The following RIC1 variants were observed in gnomAD, a reference collection of about 807,000 sequenced individuals.
The protein encoded by RIC1 is guanine nucleotide exchange factor subunit RIC1.
In RIC1, 88 loss-of-function variants were observed where a neutral mutation model predicts 169.0. The ratio of observed to expected loss-of-function variants is 0.52; its 90% CI spans 0.44 to 0.62. RIC1 has a LOEUF of 0.62. Among genes scored for constraint, RIC1 ranks in the 20% least tolerant of loss-of-function variants. RIC1 has a pLI of 0.00. For missense variants in RIC1, 1,877 were observed against 1,725.5 expected (o/e 1.09, Z -1.56); for synonymous variants, 790 against 601.5 (o/e 1.31, Z -4.59).
intron 2 of RIC1, among the ~76,000 whole-genome samples, chr9:5,687,095 G>C (rs1195730412): frequency 1.3e-5 from 2 of 152,078 alleles, no homozygotes; most frequent in African/African-American, 4.8e-5. Context: ...CAAGGAATTT[G>C]TCCATCTCAT....
rs190073893 is a variant in RIC1, at chr9:5,759,745, C to T, written c.1992+2294C>T. Among the ~76,000 whole-genome samples, 173 of 151,862 alleles carry T rather than the reference C, an allele frequency of 1.1e-3. 1 individual carries two copies. The highest frequency in any genetic ancestry group is 4.1e-3 in the African/African-American group (168 of 41,388). ...AAACATGTAGAAGTAAAATGGGTAG[C>T]ATGTCTTAATTGAAAATATTCTGAC... On this transcript the variant is annotated intron_variant, in intron 17 of 25. Transcript: ENST00000414202.
At chr9:5,639,442 A>G (rs575920317) in intron 1 of RIC1, among the ~76,000 whole-genome samples, 111 of 152,350 alleles carry the variant, frequency 7.3e-4, no homozygotes, top group African/African-American at 2.3e-3. Flanking sequence ...GTTTAACTCT[A>G]TTATGAGAGA....
chr9:5,736,943 C>A (rs568248926), intron 7 of RIC1, among the ~76,000 whole-genome samples: 1 of 148,634 alleles, frequency 6.7e-6, no homozygotes, highest in South Asian at 2.1e-4. Context: ...GGGAATGGAT[C>A]AAAGCTGCTG....
Position 5,774,247 on chromosome 9 carries a change from C to T in RIC1, c.*1C>T, listed in dbSNP as rs774562859. The T allele has an allele frequency of 5.6e-6, 9 of 1,597,202 alleles. No homozygotes were observed. In the South Asian group the frequency reaches 1.0e-4, roughly 18 times the overall value. On this transcript the variant is annotated 3_prime_UTR_variant, in exon 26 of 26. Coordinates refer to ENST00000414202, the MANE Select transcript of RIC1 (RefSeq NM_020829.4). The stretch of plus-strand genomic sequence containing the variant: ...GACTTACGACTGTTCTGTGTCCTAA[C>T]AGTGAGGTTCCATCACAAAGGGGCA...
chr9:5,714,186 A>AATT (rs1295075614), intron 4 of RIC1, among the ~76,000 whole-genome samples, 183 bp downstream of exon 4: 5 of 152,190 alleles, frequency 3.3e-5, no homozygotes, highest in Non-Finnish European at 5.9e-5. Flanking sequence ...TTAATACTTA[A>AATT]ATTATTATAA....
intron 1 of RIC1, among the ~76,000 whole-genome samples, chr9:5,635,193 C>T (rs1379375138): frequency 2.0e-5 from 3 of 152,036 alleles, no homozygotes; most frequent in Non-Finnish European, 4.4e-5. Context: ...TTGCCCAGGC[C>T]GGTCTCAGAC....
Position 5,720,243 on chromosome 9 carries a change from C to G in RIC1, c.502C>G (p.His168Asp). ...TTCTGATGGACTTCTTCATCTTATT[C>G]ACTGGGAAGGAATGACAAATGGAAG... Reference protein sequence around the residue: ...ATSDGLLHLIHWEGMTNGRKA... With the variant: ...ATSDGLLHLIDWEGMTNGRKA... Residue 168 changes from histidine to aspartate, a missense_variant, in exon 5 of 26, where the codon CAC becomes GAC. Physicochemically the swap from His to Asp is moderately conservative, Grantham distance 81. This residue lies in a region of RIC1 where 1,104 missense variants were observed against 992.0 expected (regional missense o/e 1.11). Coordinates refer to ENST00000414202, the MANE Select transcript of RIC1 (RefSeq NM_020829.4). 6.2e-7 allele frequency: 1 copy of G among 1,613,142 alleles called. No homozygotes were observed. Among genetic ancestry groups the G allele is most frequent in the Non-Finnish European group, 8.5e-7 (1 of 1,179,122 alleles).
In RIC1 at chr9:5,742,980, C is replaced by G. The variant is rs1387812496; in HGVS notation, c.1013C>G (p.Ala338Gly). 1 of 1,613,092 alleles carries G rather than the reference C, an allele frequency of 6.2e-7. No individual in the cohort carries two copies. The highest frequency in any genetic ancestry group is 1.3e-5 in the African/African-American group (1 of 74,842). ...GGLSLWSVFG[A>G]QLICTLGGDF... ...CTTTCTTTATGGAGTGTTTTTGGAG[C>G]ACAGCTGATTTGTACACTTGGAGGA... is the stretch of plus-strand genomic sequence containing the variant. Residue 338 changes from alanine to glycine, a missense_variant, in exon 9 of 26, where the codon GCA (alanine) becomes GGA (glycine). Ala to Gly is a moderately conservative substitution (Grantham distance 60). Transcript: ENST00000414202.
At chr9:5,727,245 G>A (rs1824051825) in intron 6 of RIC1, among the ~76,000 whole-genome samples, 1 of 152,088 alleles carries the variant, frequency 6.6e-6, no homozygotes, top group Non-Finnish European at 1.5e-5. Context: ...GGGAGGCTTT[G>A]TTCATTTCTT....
rs545839585 is a variant in RIC1 at position 5,698,883 on chromosome 9, T to C, written c.332+8845T>C. 2.0e-5 allele frequency among the ~76,000 whole-genome samples: 3 copies of C among 152,338 alleles called. No homozygotes were observed. In the South Asian group the frequency reaches 6.2e-4, roughly 32 times the overall value. On this transcript the variant is annotated intron_variant, in intron 3 of 25. Coordinates refer to ENST00000414202, the MANE Select transcript of RIC1 (RefSeq NM_020829.4). Reference sequence around the variant, plus strand: ...AAGTGTTTAAAAAAGAAGGGGATTCTAGTTCATTAACTGCGAGGTTTTAGA... The same window carrying C: ...AAGTGTTTAAAAAAGAAGGGGATTCCAGTTCATTAACTGCGAGGTTTTAGA...
chr9:5,644,221 A>G (rs1215648336), intron 1 of RIC1, among the ~76,000 whole-genome samples: 4 of 152,082 alleles, frequency 2.6e-5, no homozygotes, highest in Non-Finnish European at 4.4e-5. Context: ...TTTGTCATCA[A>G]CCTCTTCTCC....
At chr9:5,685,948 C>T (rs1821191916) in intron 2 of RIC1, among the ~76,000 whole-genome samples, 1 of 151,626 alleles carries the variant, frequency 6.6e-6, no homozygotes, top group Non-Finnish European at 1.5e-5. Context: ...CAAACAAACC[C>T]ATCAAAAAGT....
intron 1 of RIC1, among the ~76,000 whole-genome samples, chr9:5,644,243 T>C (rs1035550226): frequency 1.3e-5 from 2 of 152,198 alleles, no homozygotes; most frequent in African/African-American, 2.4e-5. Flanking sequence ...ATTCCAGCCT[T>C]AGAAAACCTT....
chr9:5,673,736 G>A (rs1563887460), intron 2 of RIC1, among the ~76,000 whole-genome samples: 2 of 151,740 alleles, frequency 1.3e-5, no homozygotes, highest in East Asian at 3.9e-4. Context: ...AAATCAAATT[G>A]CATGGTAATG....
chr9:5,747,509 A>C lies in RIC1; in HGVS notation c.1452+4A>C. 1 of 1,610,150 alleles carries C rather than the reference A, an allele frequency of 6.2e-7. No individual in the cohort carries two copies. The highest frequency in any genetic ancestry group is 8.5e-7 in the Non-Finnish European group (1 of 1,176,354). On this transcript the variant is annotated splice_donor_region_variant and intron_variant, in intron 12 of 25. Coordinates refer to ENST00000414202, the MANE Select transcript of RIC1 (RefSeq NM_020829.4). ...TCGGCATTGGCATGTTGTACAGGTA[A>C]ATCTTTAGTTACTGATTACTAGAGA...
intron 2 of RIC1, among the ~76,000 whole-genome samples, chr9:5,683,894 C>G (rs1053127696): frequency 6.6e-6 from 1 of 152,168 alleles, no homozygotes; most frequent in African/African-American, 2.4e-5. Flanking sequence ...TGATCTCAGA[C>G]TGCTGTGCTA....
In RIC1 at chr9:5,773,013, G is replaced by A; in HGVS notation, c.3916G>A (p.Asp1306Asn). 6.2e-7 allele frequency: 1 copy of A among 1,613,754 alleles called. No individual in the cohort carries two copies. The highest frequency in any genetic ancestry group is 1.3e-5 in the African/African-American group (1 of 75,018). ...ILVITQSSEVDGEMLQNIKTG... is the reference protein window; with the variant it reads ...ILVITQSSEVNGEMLQNIKTG... Reference sequence around the variant, plus strand: ...GGTTATTACACAGTCTTCAGAGGTAGATGGAGAGATGTTACAGAACATAAA... The same window carrying A: ...GGTTATTACACAGTCTTCAGAGGTAAATGGAGAGATGTTACAGAACATAAA... The change falls in exon 25 of 26, where the codon GAT (aspartate) becomes AAT (asparagine). Residue 1306 changes from aspartate (D) to asparagine (N), a missense_variant. Physicochemically the swap from Asp to Asn is conservative, Grantham distance 23. Around this residue, in one of 3 missense-constraint regions of RIC1, gnomAD observed 681 missense variants for 582.0 expected, o/e 1.17. Transcript: ENST00000414202.
chr9:5,700,597 A>G (rs1043223370), intron 3 of RIC1, among the ~76,000 whole-genome samples: 20 of 151,348 alleles, frequency 1.3e-4, no homozygotes, highest in Non-Finnish European at 2.8e-4. Flanking sequence ...TGCCTTATAA[A>G]TATATAATAA....
chr9:5,738,968 G>A (rs1311599314), intron 8 of RIC1, among the ~76,000 whole-genome samples: 2 of 152,114 alleles, frequency 1.3e-5, no homozygotes, highest in African/African-American at 4.8e-5. Context: ...TCCGGATCCA[G>A]TTATTCCCAT....
Sources: allele counts gnomAD v4.1 joint callset (sites outside exome capture counted in the v4.1 genomes callset), GRCh38; gene constraint gnomAD v4.1.1; regional missense constraint gnomAD v4.1.1; transcripts MANE v1.5; gene names NCBI Gene and HGNC (gene_info 2026-07-23, HGNC 2026-07-21).